SLC35F3: variants seen among roughly 807,000 people sequenced by gnomAD.
SLC35F3 encodes putative thiamine transporter SLC35F3.
A neutral mutation model predicts 49.9 loss-of-function variants in SLC35F3; 25 were observed. That is an observed-to-expected ratio of 0.50 (90% CI 0.37 to 0.70). SLC35F3 has a LOEUF of 0.70. SLC35F3 is among the 30% of genes least tolerant of loss of function. The probability of loss-of-function intolerance (pLI) is 0.00; values close to 1 mark genes in which losing one functional copy is unlikely to be tolerated. For synonymous variants in SLC35F3, 275 were observed against 265.4 expected (o/e 1.04, Z -0.35); for missense variants, 525 against 639.8 (o/e 0.82, Z 1.94).
chr1:233,926,178 C>T (rs1271179982), intron 2 of SLC35F3, among the ~76,000 whole-genome samples: 1 of 152,048 alleles, frequency 6.6e-6, no homozygotes. Context: ...GAATGTTGGC[C>T]TGCCTTGCTA....
At position 234,024,075 on chromosome 1, in the gene SLC35F3, C is replaced by G. The variant is rs575378133; in HGVS notation, c.283+118317C>G. On this transcript the variant is annotated intron_variant, in intron 2 of 7. Transcript: ENST00000366618. The stretch of plus-strand genomic sequence containing the variant: ...TTAATACTAATGTATTTAATTGATT[C>G]ACCACTTGTGACAAATGCATGCATC... Among the ~76,000 whole-genome samples the G allele has an allele frequency of 2.0e-5, 3 of 152,258 alleles. No homozygotes were observed. In the South Asian group the frequency reaches 6.2e-4, roughly 32 times the overall value.
At chr1:234,197,527 A>G (rs186438368) in intron 2 of SLC35F3, among the ~76,000 whole-genome samples, 7 of 152,346 alleles carry the variant, frequency 4.6e-5, no homozygotes, top group Non-Finnish European at 1.0e-4. Flanking sequence ...TATTGGACCA[A>G]TGAACAAATG....
At chr1:234,296,288 G>A (rs976077905) in intron 3 of SLC35F3, among the ~76,000 whole-genome samples, 3 of 152,040 alleles carry the variant, frequency 2.0e-5, no homozygotes, top group African/African-American at 7.2e-5. Flanking sequence ...CATTTTGCAA[G>A]GGATGGTCCT....
intron 2 of SLC35F3, among the ~76,000 whole-genome samples, chr1:233,913,948 T>C (rs1239551954): frequency 2.0e-5 from 3 of 152,196 alleles, no homozygotes; most frequent in Non-Finnish European, 4.4e-5. Flanking sequence ...TGGAATCAAA[T>C]ATGTGTTCTA....
chr1:234,246,479 T>C (rs968138925), intron 3 of SLC35F3, among the ~76,000 whole-genome samples: 1 of 152,122 alleles, frequency 6.6e-6, no homozygotes, highest in Non-Finnish European at 1.5e-5. Flanking sequence ...AAAGTGATAA[T>C]AAATTATTCA....
chr1:234,184,333 G>A (rs1364400652), intron 2 of SLC35F3, among the ~76,000 whole-genome samples: 3 of 152,082 alleles, frequency 2.0e-5, no homozygotes, highest in African/African-American at 7.2e-5. Flanking sequence ...GTGTAAGCTT[G>A]ATGTTTTCAG....
intron 2 of SLC35F3, among the ~76,000 whole-genome samples, chr1:234,134,427 T>C (rs1476815311): frequency 6.7e-6 from 1 of 148,598 alleles, no homozygotes; most frequent in East Asian, 1.9e-4. Context: ...TGTATATTCG[T>C]GTAAATTATA....
chr1:234,025,581 C>G (rs974270181), intron 2 of SLC35F3, among the ~76,000 whole-genome samples: 1 of 152,142 alleles, frequency 6.6e-6, no homozygotes, highest in Admixed American at 6.5e-5. Flanking sequence ...TGATGTTGAG[C>G]ATTTTTTCAT....
At chr1:233,922,435 G>T (rs1224390351) in intron 2 of SLC35F3, among the ~76,000 whole-genome samples, 2 of 147,088 alleles carry the variant, frequency 1.4e-5, no homozygotes, top group Non-Finnish European at 3.0e-5. Flanking sequence ...CTGCATAAAT[G>T]TCTTCTTTTG....
intron 2 of SLC35F3, among the ~76,000 whole-genome samples, chr1:234,051,027 T>C (rs562070380): frequency 5.3e-5 from 8 of 152,332 alleles, no homozygotes; most frequent in Admixed American, 3.9e-4. Flanking sequence ...GCCATGTTGT[T>C]TTGGTTACTG....
chr1:234,015,279 C>T (rs904698026), intron 2 of SLC35F3, among the ~76,000 whole-genome samples: 3 of 149,356 alleles, frequency 2.0e-5, no homozygotes, highest in African/African-American at 7.5e-5. Flanking sequence ...ACCCAGGAGG[C>T]GGAGTTTGCA....
At chr1:234,174,169 C>A (rs112016034) in intron 2 of SLC35F3, among the ~76,000 whole-genome samples, 2 of 152,206 alleles carry the variant, frequency 1.3e-5, no homozygotes, top group African/African-American at 4.8e-5. Flanking sequence ...CTGGCTTTGC[C>A]ACTTCATGGC....
At chr1:234,179,998 A>G (rs1234851359) in intron 2 of SLC35F3, among the ~76,000 whole-genome samples, 16 of 152,222 alleles carry the variant, frequency 1.1e-4, no homozygotes, top group Admixed American at 1.0e-3. Flanking sequence ...GCAGTTCAGC[A>G]GTATCACTCC....
At chr1:234,165,549 A>AT (rs1666301107) in intron 2 of SLC35F3, among the ~76,000 whole-genome samples, 1 of 151,928 alleles carries the variant, frequency 6.6e-6, no homozygotes, top group Non-Finnish European at 1.5e-5. Flanking sequence ...TCTTTACATT[A>AT]TTTTTTCTCC....
chr1:233,968,467 GTTT>G (rs1662935400), intron 2 of SLC35F3, among the ~76,000 whole-genome samples: 3 of 103,330 alleles, frequency 2.9e-5, no homozygotes, highest in Non-Finnish European at 4.4e-5. Context: ...TAAATAGGTA[GTTT>G]TTCTTTTTCT....
At chr1:234,141,830 C>T (rs1665918300) in intron 2 of SLC35F3, among the ~76,000 whole-genome samples, 1 of 152,174 alleles carries the variant, frequency 6.6e-6, no homozygotes, top group South Asian at 2.1e-4. Flanking sequence ...AGCCCTAACT[C>T]TTTTGCTTAG....
chr1:233,953,854 G>A (rs1394976669), intron 2 of SLC35F3, among the ~76,000 whole-genome samples: 1 of 152,162 alleles, frequency 6.6e-6, no homozygotes, highest in Non-Finnish European at 1.5e-5. Context: ...CATCAAAAAG[G>A]AAAAGAAATG....
At chr1:234,208,884 T>C (rs891339822) in intron 2 of SLC35F3, among the ~76,000 whole-genome samples, 4 of 152,190 alleles carry the variant, frequency 2.6e-5, no homozygotes, top group African/African-American at 9.6e-5. Flanking sequence ...GTGGGGCTAG[T>C]GATAAAGAAC....
chr1:233,922,830 T>G (rs1662088170), intron 2 of SLC35F3, among the ~76,000 whole-genome samples: 1 of 152,214 alleles, frequency 6.6e-6, no homozygotes, highest in African/African-American at 2.4e-5. Flanking sequence ...TTGTATAAGG[T>G]GTAAGGAAGT....
Sources: allele counts gnomAD v4.1 joint callset (sites outside exome capture counted in the v4.1 genomes callset), GRCh38; gene constraint gnomAD v4.1.1; transcripts MANE v1.5; gene names NCBI Gene and HGNC (gene_info 2026-07-23, HGNC 2026-07-21).